TMEM18: variants seen among roughly 807,000 people sequenced by gnomAD.
TMEM18 encodes the protein transmembrane protein 18.
TMEM18 carries 14 observed loss-of-function variants against 17.4 expected under a neutral mutation model. The observed-to-expected ratio is 0.80, with a 90% CI of 0.53 to 1.25. The LOEUF (loss-of-function observed/expected upper bound fraction) is 1.25. TMEM18 is among the 50% of genes most tolerant of loss of function. TMEM18 has a pLI of 0.00. For missense variants in TMEM18, 187 were observed against 172.1 expected (o/e 1.09, Z -0.48); for synonymous variants, 86 against 66.1 (o/e 1.30, Z -1.46).
rs1300613727 is a variant in TMEM18, at chr2:669,381, C to T, written c.*199G>A. 2.3e-5 allele frequency: 14 copies of T among 618,456 alleles called. No individual in the cohort carries two copies. Among genetic ancestry groups the T allele is most frequent in the Non-Finnish European group, 3.5e-5 (12 of 347,090 alleles). 38.3% of individuals were successfully genotyped at this position (618,456 alleles called of 1,614,324 possible). On this transcript the variant is annotated 3_prime_UTR_variant, in exon 5 of 5. Transcript: ENST00000281017. ...ACTACAAAGATCAGGCACCTGAAGACGCATGTCCTGATGGATACATTCAGT... is the reference window on the plus strand; with the variant it reads ...ACTACAAAGATCAGGCACCTGAAGATGCATGTCCTGATGGATACATTCAGT...
intron 1 of TMEM18, chr2:676,709 C>A: frequency 6.9e-7 from 1 of 1,445,900 alleles, no homozygotes; most frequent in African/African-American, 1.4e-5. Flanking sequence ...GCACGGCGCA[C>A]GCCCCGCCCA....
intron 3 of TMEM18, chr2:670,625 A>T (rs1678816812): frequency 6.6e-6 from 1 of 152,442 alleles, no homozygotes; most frequent in African/African-American, 2.4e-5. Flanking sequence ...GCTGGCGCTT[A>T]CACTCTATAC....
intron 3 of TMEM18, among the ~76,000 whole-genome samples, 191 bp downstream of exon 3, chr2:672,617 G>C (rs540514820): frequency 6.6e-6 from 1 of 152,256 alleles, no homozygotes; most frequent in Non-Finnish European, 1.5e-5. Context: ...CGCTCAGAAA[G>C]GGCCACTGTG....
chr2:669,391 G>A lies in TMEM18; in HGVS notation c.*189C>T, dbSNP rs926983847. 1 of 644,266 alleles carries A rather than the reference G, an allele frequency of 1.6e-6. No homozygotes were observed. The highest frequency in any genetic ancestry group is 1.8e-5 in the African/African-American group (1 of 55,112). The allele number at this position is 644,266 out of a possible 1,614,324, so 39.9% of individuals were successfully genotyped here. ...TCAGGCACCTGAAGACGCATGTCCT[G>A]ATGGATACATTCAGTGCTGGCTGAA... On this transcript the variant is annotated 3_prime_UTR_variant, in exon 5 of 5. Transcript: ENST00000281017.
chr2:677,183 C>G, intron 1 of TMEM18, 106 bp downstream of exon 1: 2 of 1,431,284 alleles, frequency 1.4e-6, no homozygotes, highest in African/African-American at 1.4e-5. Context: ...AAGGCCCCGC[C>G]CACGGCCGGG....
rs771585988 is a variant in TMEM18, at chr2:669,555, G to A, written c.*25C>T. On this transcript the variant is annotated 3_prime_UTR_variant, in exon 5 of 5. Coordinates refer to ENST00000281017, the MANE Select transcript of TMEM18 (RefSeq NM_152834.4). ...GCTGCACTGGGTGGACGGGAAGGAC[G>A]CAAACTCCAAGCAGCTGCTGCCCCT... 4 of 1,611,628 alleles carry A rather than the reference G, an allele frequency of 2.5e-6. No homozygotes were observed. Among genetic ancestry groups the A allele is most frequent in the African/African-American group, 1.3e-5 (1 of 74,878 alleles).
In TMEM18 at chr2:672,847, C is replaced by T; in HGVS notation, c.194G>A (p.Cys65Tyr). 1 of 1,506,678 alleles carries T rather than the reference C, an allele frequency of 6.6e-7. No homozygotes were observed. The highest frequency in any genetic ancestry group is 1.5e-5 in the African/African-American group (1 of 67,948). 93.3% of individuals were successfully genotyped at this position (1,506,678 alleles called of 1,614,324 possible). A position where few individuals can be genotyped will look rare whatever the true frequency, so the allele number is the denominator to read the frequency against. The change falls in exon 3 of 5, where the codon TGT becomes TAT. Residue 65 changes from cysteine to tyrosine, a missense_variant. Transcript: ENST00000281017. ...HFLCLVILVYCAEYINEAAAM... is the reference protein window; with the variant it reads ...HFLCLVILVYYAEYINEAAAM... Reference sequence around the variant, plus strand: ...AGCCGCCTCATTGATGTATTCAGCACAGTAGACTAAGATGACTGAAAAAAG... The same window carrying T: ...AGCCGCCTCATTGATGTATTCAGCATAGTAGACTAAGATGACTGAAAAAAG...
At chr2:675,672 A>G in intron 1 of TMEM18, 42 bp from the exon 2 acceptor site, 3 of 1,609,078 alleles carry the variant, frequency 1.9e-6, no homozygotes, top group Non-Finnish European at 2.5e-6. Flanking sequence ...CCTGCCACTC[A>G]AGGCCGGGTT....
rs528501224 is a variant in TMEM18, at chr2:671,150, A to C, written c.234-1300T>G. The stretch of plus-strand genomic sequence containing the variant: ...ATGTTTGTTAGACGTCCTGGTGCCC[A>C]GTCCAACAGGTGGGACAGGCAAGAA... On this transcript the variant is annotated intron_variant, in intron 3 of 4. Transcript: ENST00000281017. Among the ~76,000 whole-genome samples the C allele has an allele frequency of 1.4e-3, 219 of 152,298 alleles. 1 individual carries two copies. Among genetic ancestry groups the C allele is most frequent in the Middle Eastern group, 3.4e-3 (1 of 294 alleles).
intron 3 of TMEM18, among the ~76,000 whole-genome samples, chr2:672,197 G>C (rs1053320587): frequency 1.3e-5 from 2 of 152,164 alleles, no homozygotes; most frequent in African/African-American, 4.8e-5. Flanking sequence ...AAACGTAAAA[G>C]CCATTTTTAG....
At chr2:677,161 G>C (rs1659278570) in intron 1 of TMEM18, 128 bp downstream of exon 1, 1 of 1,223,484 alleles carries the variant, frequency 8.2e-7, no homozygotes, top group African/African-American at 1.5e-5. Flanking sequence ...CCCAGCGCGC[G>C]CGCTCCGCCA....
chr2:671,419 G>A (rs1678849484), intron 3 of TMEM18, among the ~76,000 whole-genome samples: 1 of 135,112 alleles, frequency 7.4e-6, no homozygotes, highest in East Asian at 2.2e-4. Flanking sequence ...TCCTGGGACT[G>A]AACCATGTGA....
At position 666,391 on chromosome 2, in the gene TMEM18, C is replaced by T. The variant is rs866887587; in HGVS notation, c.*3189G>A. On this transcript the variant is annotated 3_prime_UTR_variant, in exon 5 of 5. Transcript: ENST00000281017. Reference sequence around the variant, plus strand: ...TGCAATTTCTAATGACAGCATGATTCGGAGACTATAATAGCTACACCTTCC... The same window carrying T: ...TGCAATTTCTAATGACAGCATGATTTGGAGACTATAATAGCTACACCTTCC... 2.0e-5 allele frequency among the ~76,000 whole-genome samples: 3 copies of T among 152,270 alleles called. 1 individual carries two copies. Among genetic ancestry groups the T allele is most frequent in the Middle Eastern group, 3.4e-3 (1 of 294 alleles).
Position 666,953 on chromosome 2 carries a change from T to TTAAGCA in TMEM18, c.*2621_*2626dup, listed in dbSNP as rs2103088071. Among the ~76,000 whole-genome samples the TTAAGCA allele has an allele frequency of 6.6e-6, 1 of 152,030 alleles. No homozygotes were observed. Among genetic ancestry groups the TTAAGCA allele is most frequent in the African/African-American group, 2.4e-5 (1 of 41,444 alleles). On this transcript the variant is annotated 3_prime_UTR_variant, in exon 5 of 5. Transcript: ENST00000281017. Reference sequence around the variant, plus strand: ...CTCTGACGGCAATTCTCGTCTGTCTTTAAGCATCCCACTCAACTTCGCGCC... The same window carrying TTAAGCA: ...CTCTGACGGCAATTCTCGTCTGTCTTTAAGCATAAGCATCCCACTCAACTTCGCGCC...
intron 3 of TMEM18, chr2:670,627 A>G (rs1194168707): frequency 6.6e-6 from 1 of 152,348 alleles, no homozygotes; most frequent in East Asian, 1.9e-4. Flanking sequence ...TGGCGCTTAC[A>G]CTCTATACCA....
At chr2:670,056 G>A (rs1235848293) in intron 3 of TMEM18, 2 of 550,762 alleles carry the variant, frequency 3.6e-6, no homozygotes, top group Non-Finnish European at 6.4e-6. Context: ...AAAACACACT[G>A]GGTCACAGGA....
intron 1 of TMEM18, 32 bp downstream of exon 1, chr2:677,257 C>T: frequency 2.5e-6 from 4 of 1,601,998 alleles, no homozygotes; most frequent in Non-Finnish European, 3.4e-6. Context: ...CCGTCCTCCC[C>T]CGAACTGGTG....
intron 4 of TMEM18, 41 bp from the exon 5 acceptor site, chr2:669,716 A>G (rs1245329234): frequency 1.2e-6 from 2 of 1,614,060 alleles, no homozygotes; most frequent in Non-Finnish European, 1.7e-6. Context: ...TTTGAAAAAC[A>G]TACACATGAA....
rs1192060565 is a variant in TMEM18 at position 666,994 on chromosome 2, C to A, written c.*2586G>T. On this transcript the variant is annotated 3_prime_UTR_variant, in exon 5 of 5. Coordinates refer to ENST00000281017, the MANE Select transcript of TMEM18 (RefSeq NM_152834.4). ...ACTTCGCGCCACTGAAGCTCCTTAC[C>A]CTGAATTCCACCCCCAGCCCTTTTT... is the stretch of plus-strand genomic sequence containing the variant. Among the ~76,000 whole-genome samples, 3 of 148,488 alleles carry A rather than the reference C, an allele frequency of 2.0e-5. No individual in the cohort carries two copies. The highest frequency in any genetic ancestry group is 4.4e-5 in the Non-Finnish European group (3 of 67,544).
Sources: allele counts gnomAD v4.1 joint callset (sites outside exome capture counted in the v4.1 genomes callset), GRCh38; gene constraint gnomAD v4.1.1; transcripts MANE v1.5; gene names NCBI Gene and HGNC (gene_info 2026-07-23, HGNC 2026-07-21).